Variants in AP2A2 observed in about 807,000 individuals in gnomAD.
AP2A2 encodes adaptor related protein complex 2 subunit alpha 2.
Under a neutral mutation model 104.2 loss-of-function variants are expected in AP2A2, and 32 were observed. That is an observed-to-expected ratio of 0.31 (90% CI 0.23 to 0.41). The LOEUF (loss-of-function observed/expected upper bound fraction) is 0.41. Ranked by LOEUF, AP2A2 falls within the 10% of genes least tolerant of loss-of-function variation. AP2A2 has a pLI of 1.00. For missense variants in AP2A2, 912 were observed against 1,261.0 expected (o/e 0.72, Z 4.19); for synonymous variants, 539 against 533.3 (o/e 1.01, Z -0.15).
At chr11:927,840 AG>A (rs1853169396) in intron 1 of AP2A2, among the ~76,000 whole-genome samples, 13 of 149,336 alleles carry the variant, frequency 8.7e-5, no homozygotes, top group African/African-American at 2.9e-4. Flanking sequence ...AAAAAAAAAA[AG>A]GCTTAGAAAC....
At chr11:947,982 A>G (rs1395262133) in intron 1 of AP2A2, among the ~76,000 whole-genome samples, 1 of 152,192 alleles carries the variant, frequency 6.6e-6, no homozygotes, top group African/African-American at 2.4e-5. Context: ...ATAAATGCAA[A>G]TAAAAACACA....
In AP2A2 at chr11:1,009,136, G is replaced by A. The variant is rs1281001863; in HGVS notation, c.2457G>A (p.Leu819=). Residue 819 remains leucine (L), a synonymous_variant, in exon 19 of 22, where the codon CTG becomes CTA. Transcript: ENST00000448903. ...CCTTCCAGAACGTGTCTGTGCAGCT[G>A]CCCATCACTCTCAACAAATTCTTCC... ...GGTFQNVSVQ[L]PITLNKFFQP... 7 of 1,613,436 alleles carry A rather than the reference G, an allele frequency of 4.3e-6. No individual in the cohort carries two copies.
intron 3 of AP2A2, 65 bp from the exon 4 acceptor site, chr11:971,997 A>T: frequency 2.0e-6 from 3 of 1,470,116 alleles, no homozygotes; most frequent in Non-Finnish European, 2.8e-6. Flanking sequence ...TTGTTGGGTG[A>T]CTCAGGGCCA....
chr11:993,688 C>CG lies in AP2A2; in HGVS notation c.1551-65dup. On this transcript the variant is annotated intron_variant, in intron 12 of 21. Transcript: ENST00000448903. This position sits in a 1 kb window ranked among gnomAD's most constrained non-coding sequence, Gnocchi z 8.2. ...GGGGGTCTCGCCGCCGTCCCCCCCC[C>CG]GCGGGGGCGTGCTGCAGCCTGCGAG... 7.7e-7 allele frequency: 1 copy of CG among 1,295,330 alleles called. No individual in the cohort carries two copies. 80.2% of individuals were successfully genotyped at this position (1,295,330 alleles called of 1,614,324 possible). A position where few individuals can be genotyped will look rare whatever the true frequency, so the allele number is the denominator to read the frequency against.
chr11:960,827 T>C (rs1225161699), intron 2 of AP2A2, among the ~76,000 whole-genome samples: 1 of 151,162 alleles, frequency 6.6e-6, no homozygotes, highest in Non-Finnish European at 1.5e-5. Context: ...ACGGCTGGTT[T>C]TTGTATTTTT....
Position 981,545 on chromosome 11 carries a change from C to T in AP2A2, c.705+246C>T, listed in dbSNP as rs189644256. Among the ~76,000 whole-genome samples the T allele has an allele frequency of 4.2e-4, 64 of 152,336 alleles. 1 individual carries two copies. Among genetic ancestry groups the T allele is most frequent in the Admixed American group, 2.0e-3 (30 of 15,308 alleles). ...GTGGAGGAGGGGCACCCAGTGGCCC[C>T]GTGTCCCCCACTGGGGAAGCGTGGC... On this transcript the variant is annotated intron_variant, in intron 6 of 21. Transcript: ENST00000448903.
chr11:983,600 G>T (rs564494469), intron 6 of AP2A2, among the ~76,000 whole-genome samples: 4 of 151,792 alleles, frequency 2.6e-5, no homozygotes, highest in South Asian at 2.1e-4. Context: ...AGCCAGGATG[G>T]TCTCGATCTC....
chr11:953,602 C>T (rs954141397), intron 1 of AP2A2, among the ~76,000 whole-genome samples: 2 of 147,094 alleles, frequency 1.4e-5, no homozygotes, highest in Non-Finnish European at 3.0e-5. Context: ...AGTTGGAAGT[C>T]CCTGGCTCCG....
chr11:992,378 T>C lies in AP2A2; in HGVS notation c.1270-125T>C. 4.1e-6 allele frequency: 4 copies of C among 964,642 alleles called. No individual in the cohort carries two copies. The highest frequency in any genetic ancestry group is 6.3e-6 in the Non-Finnish European group (4 of 630,616). The allele number at this position is 964,642 out of a possible 1,614,324, so 59.8% of individuals were successfully genotyped here. A position where few individuals can be genotyped will look rare whatever the true frequency, so the allele number is the denominator to read the frequency against. On this transcript the variant is annotated intron_variant, in intron 10 of 21. Coordinates refer to ENST00000448903, the MANE Select transcript of AP2A2 (RefSeq NM_012305.4). The surrounding 1 kb of genome is among the most constrained non-coding windows in gnomAD (Gnocchi z 6.4). ...GAGAATCGAGTTCAAGCTTCCTCCA[T>C]GTCCCAAACTTTTGTAGACACATTG...
In AP2A2 at chr11:977,209, C is replaced by G; in HGVS notation, c.588C>G (p.Leu196=). The G allele has an allele frequency of 6.2e-7, 1 of 1,603,268 alleles. No individual in the cohort carries two copies. Among genetic ancestry groups the G allele is most frequent in the Non-Finnish European group, 8.5e-7 (1 of 1,173,272 alleles). ...GGACATCCCGAGTGGTGCACCTGCTCAATGACCAGCACTTGGTAAGCACCC... is the reference window on the plus strand; with the variant it reads ...GGACATCCCGAGTGGTGCACCTGCTGAATGACCAGCACTTGGTAAGCACCC... ...GDWTSRVVHL[L]NDQHLGVVTA... Residue 196 remains leucine, a synonymous_variant, in exon 5 of 22, where the codon CTC becomes CTG. Transcript: ENST00000448903.
intron 2 of AP2A2, among the ~76,000 whole-genome samples, chr11:964,450 G>T (rs1452646818): frequency 6.6e-6 from 1 of 152,082 alleles, no homozygotes; most frequent in Non-Finnish European, 1.5e-5. Context: ...CAGGATCTGG[G>T]GTTCACCTGC....
intron 1 of AP2A2, among the ~76,000 whole-genome samples, chr11:936,272 G>T (rs561170943): frequency 1.0e-4 from 15 of 144,428 alleles, no homozygotes; most frequent in African/African-American, 3.9e-4. Flanking sequence ...GAGTGCAGTG[G>T]TGTGATCACA....
chr11:963,492 TGTGTGTCACACTTAAGA>T (rs1854509115), intron 2 of AP2A2, among the ~76,000 whole-genome samples: 1 of 152,214 alleles, frequency 6.6e-6, no homozygotes. Context: ...AAGTCTGGTG[TGTGTGTCACACTTAAGA>T]GTGAGTCTCA....
chr11:994,096 C>T lies in AP2A2; in HGVS notation c.1807C>T (p.Pro603Ser). ...GGCGACCGTGCTGGAGGAGATGCCC[C>T]CATTCCCGGAGCGGGAGTCCTCCAT... Reference protein sequence around the residue: ...ILATVLEEMPPFPERESSILA... With the variant: ...ILATVLEEMPSFPERESSILA... Residue 603 changes from proline (P) to serine (S), a missense_variant, in exon 14 of 22, where the codon CCA becomes TCA. Coordinates refer to ENST00000448903, the MANE Select transcript of AP2A2 (RefSeq NM_012305.4). The T allele has an allele frequency of 6.2e-7, 1 of 1,613,068 alleles. No individual in the cohort carries two copies. Among genetic ancestry groups the T allele is most frequent in the Non-Finnish European group, 8.5e-7 (1 of 1,179,842 alleles).
At chr11:1,004,876 C>G (rs1194087520) in intron 16 of AP2A2, among the ~76,000 whole-genome samples, 3 of 152,292 alleles carry the variant, frequency 2.0e-5, no homozygotes. Flanking sequence ...ACGTTGGAGC[C>G]TTGTACGCCG....
rs151037888 is a variant in AP2A2 at position 1,008,756 on chromosome 11, A to T, written c.2421-344A>T. The T allele has an allele frequency of 6.0e-4, 221 of 367,284 alleles. 1 individual carries two copies. In the East Asian group the frequency reaches 9.2e-3, roughly 15 times the overall value. 22.8% of individuals were successfully genotyped at this position (367,284 alleles called of 1,614,324 possible). On this transcript the variant is annotated intron_variant, in intron 18 of 21. Coordinates refer to ENST00000448903, the MANE Select transcript of AP2A2 (RefSeq NM_012305.4). ...TACTGTAGAATTCGGGGACATAGACATGCAAGTTTTTGTTTCATTCTTTGT... is the reference window on the plus strand; with the variant it reads ...TACTGTAGAATTCGGGGACATAGACTTGCAAGTTTTTGTTTCATTCTTTGT...
chr11:994,556 G>A (rs1006806391), intron 14 of AP2A2, among the ~76,000 whole-genome samples: 1 of 142,286 alleles, frequency 7.0e-6, no homozygotes, highest in African/African-American at 2.7e-5. Flanking sequence ...GGCCTGTCCC[G>A]GGGGCCACTG....
chr11:1,006,546 A>T lies in AP2A2; in HGVS notation c.2225A>T (p.Tyr742Phe). 1 of 1,613,464 alleles carries T rather than the reference A, an allele frequency of 6.2e-7. No homozygotes were observed. Among genetic ancestry groups the T allele is most frequent in the African/African-American group, 1.3e-5 (1 of 75,016 alleles). ...CTTCTAGGTCGGATGTTTATCTTTT[A>T]TGGTAATAAGACCTCCACGCAGTTC... The part of the protein sequence containing the change: ...RQNLGRMFIF[Y>F]GNKTSTQFLN... The change falls in exon 17 of 22, where the codon TAT (tyrosine) becomes TTT (phenylalanine). Residue 742 changes from tyrosine (Y) to phenylalanine (F), a missense_variant. By Grantham distance (22) the Tyr-to-Phe change is conservative. Around this residue, in one of 7 missense-constraint regions of AP2A2, gnomAD observed 239 missense variants for 329.8 expected, o/e 0.72. Transcript: ENST00000448903.
intron 8 of AP2A2, among the ~76,000 whole-genome samples, chr11:985,883 G>C (rs535685819): frequency 1.1e-4 from 16 of 152,348 alleles, no homozygotes; most frequent in African/African-American, 3.6e-4. Context: ...GAGAGGAGAC[G>C]GGTGGGGTGG....
Sources: allele counts gnomAD v4.1 joint callset (sites outside exome capture counted in the v4.1 genomes callset), GRCh38; gene constraint gnomAD v4.1.1; regional missense constraint gnomAD v4.1.1; non-coding constraint Gnocchi (gnomAD v3.1); transcripts MANE v1.5; gene names NCBI Gene and HGNC (gene_info 2026-07-23, HGNC 2026-07-21).